The following RNF17 variants were observed in gnomAD, a reference collection of about 807,000 sequenced individuals.
The protein encoded by RNF17 is ring finger protein 17, also known as spermatogenesis associated 23.
RNF17 carries 31 observed loss-of-function variants against 200.5 expected under a neutral mutation model. That is an observed-to-expected ratio of 0.15 (90% confidence interval 0.12 to 0.21). RNF17 has a LOEUF of 0.21. Ranked by LOEUF, RNF17 falls within the 10% of genes least tolerant of loss-of-function variation. The pLI is 1.00. For missense variants in RNF17, 1,628 were observed against 1,905.1 expected, an observed-to-expected ratio of 0.85 and a Z score of 2.71; for synonymous variants, 606 against 637.8, an observed-to-expected ratio of 0.95 and a Z score of 0.75.
intron 18 of RNF17, among the ~76,000 whole-genome samples, chr13:24,840,777 C>A (rs1242085248): frequency 6.6e-6 from 1 of 152,070 alleles, no homozygotes; most frequent in Non-Finnish European, 1.5e-5. Context: ...ACTACAAATA[C>A]GGTGCAGTAT....
chr13:24,856,419 C>CAAA (rs60553495), intron 25 of RNF17, among the ~76,000 whole-genome samples: 24 of 101,580 alleles, frequency 2.4e-4, no homozygotes, highest in African/African-American at 5.9e-4. Context: ...GAATCCGTCT[C>CAAA]AAAAAAAAAA....
chr13:24,883,431 A>G, downstream of RNF17: 1 of 1,328,488 alleles, frequency 7.5e-7, no homozygotes, highest in Non-Finnish European at 1.0e-6. Context: ...AAACAACAGA[A>G]AAACTACTGA....
chr13:24,829,149 A>G (rs1889108953), intron 16 of RNF17, among the ~76,000 whole-genome samples: 1 of 151,960 alleles, frequency 6.6e-6, no homozygotes, highest in Admixed American at 6.6e-5. Context: ...CACATTTTTT[A>G]TTCTGGAAAT....
At chr13:24,862,835 A>G in intron 28 of RNF17, 42 bp downstream of exon 28, 1 of 1,096,030 alleles carries the variant, frequency 9.1e-7, no homozygotes, top group Non-Finnish European at 1.4e-6. Flanking sequence ...TACTTGCCAT[A>G]AAATATTATA....
chr13:24,877,297 C>G (rs540105361), intron 34 of RNF17, 111 bp downstream of exon 34: 1 of 782,942 alleles, frequency 1.3e-6, no homozygotes, highest in Non-Finnish European at 2.1e-6. Context: ...AAAGCATATA[C>G]AGCTATATAG....
intron 15 of RNF17, among the ~76,000 whole-genome samples, chr13:24,817,915 T>C (rs1194689756): frequency 6.6e-6 from 1 of 152,126 alleles, no homozygotes; most frequent in African/African-American, 2.4e-5. Flanking sequence ...TTATTTTTGC[T>C]CTAATCTTTA....
At chr13:24,749,307 C>CTTTCTTTCTTTT in the RNF17 span, among the ~76,000 whole-genome samples, 26 of 108,012 alleles carry the variant, frequency 2.4e-4, no homozygotes, top group South Asian at 2.3e-3. Flanking sequence ...TTCTTTCTTT[C>CTTTCTTTCTTTT]TTTTTTTTTT....
At chr13:24,748,613 G>A in the RNF17 span, among the ~76,000 whole-genome samples, 2 of 152,174 alleles carry the variant, frequency 1.3e-5, no homozygotes, top group Non-Finnish European at 2.9e-5. Context: ...CAGTGAGACT[G>A]AAATGTCTAT....
At chr13:24,792,374 G>A (rs997714377) in intron 9 of RNF17, among the ~76,000 whole-genome samples, 7 of 152,064 alleles carry the variant, frequency 4.6e-5, no homozygotes, top group African/African-American at 1.7e-4. Context: ...ACAATACCCT[G>A]GAAGGATACT....
chr13:24,784,683 G>A (rs1213306012), intron 6 of RNF17, among the ~76,000 whole-genome samples: 1 of 151,912 alleles, frequency 6.6e-6, no homozygotes, highest in Non-Finnish European at 1.5e-5. Context: ...AATGTACCCA[G>A]TTTATTTCTG....
chr13:24,882,826 C>T (rs565018686), downstream of RNF17: 2 of 302,860 alleles, frequency 6.6e-6, no homozygotes, highest in Non-Finnish European at 1.3e-5. Context: ...TGCTCTACGG[C>T]TGATGTGTCT....
At chr13:24,876,940 G>T in intron 33 of RNF17, 57 bp from the exon 34 acceptor site, 1 of 1,396,570 alleles carries the variant, frequency 7.2e-7, no homozygotes, top group Non-Finnish European at 9.7e-7. Flanking sequence ...TTTCTTCTAA[G>T]AATTGGATAG....
At chr13:24,877,244 A>C (rs1894958744) in intron 34 of RNF17, 58 bp downstream of exon 34, 3 of 1,450,014 alleles carry the variant, frequency 2.1e-6, no homozygotes, top group Admixed American at 1.8e-5. Context: ...GATACTTTGT[A>C]AAGTGTTTGT....
intron 11 of RNF17, 51 bp downstream of exon 11, chr13:24,796,346 A>C (rs745972505): frequency 6.7e-5 from 89 of 1,326,272 alleles, no homozygotes; most frequent in Non-Finnish European, 8.9e-5. Context: ...TAAATAATAT[A>C]ATAACTTGGC....
At chr13:24,793,532 A>G (rs984811923) in intron 10 of RNF17, among the ~76,000 whole-genome samples, 186 bp downstream of exon 10, 3 of 152,106 alleles carry the variant, frequency 2.0e-5, no homozygotes, top group African/African-American at 7.2e-5. Flanking sequence ...GATAATTTTT[A>G]TTTTTAATGC....
At position 24,789,777 on chromosome 13, in the gene RNF17, GTATT is replaced by G; in HGVS notation, c.935+9_935+12del. The G allele has an allele frequency of 2.0e-6, 3 of 1,499,884 alleles. No individual in the cohort carries two copies. Among genetic ancestry groups the G allele is most frequent in the Non-Finnish European group, 2.8e-6 (3 of 1,077,136 alleles). The allele number at this position is 1,499,884 out of a possible 1,614,324, so 92.9% of individuals were successfully genotyped here. ...TGAATTTAGGGACTCAACAAAGTAAGTATTTATAAGCATGGTAACATGCCATTAG... is the reference window on the plus strand; with the variant it reads ...TGAATTTAGGGACTCAACAAAGTAAGTATAAGCATGGTAACATGCCATTAG... On this transcript the variant is annotated splice_donor_region_variant and intron_variant, in intron 9 of 35. Transcript: ENST00000255324.
chr13:24,852,139 T>C (rs1457528268), intron 24 of RNF17, among the ~76,000 whole-genome samples: 20 of 147,562 alleles, frequency 1.4e-4, no homozygotes, highest in African/African-American at 3.7e-4. Flanking sequence ...TCTCTCTCTT[T>C]TTTTTTTTTT....
intron 14 of RNF17, among the ~76,000 whole-genome samples, 153 bp downstream of exon 14, chr13:24,802,724 G>C (rs1217899935): frequency 1.3e-5 from 2 of 152,148 alleles, no homozygotes; most frequent in Non-Finnish European, 2.9e-5. Context: ...GAGTACAGTT[G>C]TTGTCTGTGA....
Position 24,799,486 on chromosome 13 carries a change from A to G in RNF17, c.1491A>G (p.Arg497=), listed in dbSNP as rs1251446559. 1 of 1,610,048 alleles carries G rather than the reference A, an allele frequency of 6.2e-7. No individual in the cohort carries two copies. The highest frequency in any genetic ancestry group is 1.3e-5 in the African/African-American group (1 of 74,858). The part of the protein sequence containing the change: ...ELIPIEGRNT[R]KPCSPTRLFV... ...TTCCAATAGAGGGTAGAAATACCAGAAAACCTTGTAGTCCAACCAGATTAT... is the reference window on the plus strand; with the variant it reads ...TTCCAATAGAGGGTAGAAATACCAGGAAACCTTGTAGTCCAACCAGATTAT... Residue 497 remains arginine (R), a synonymous_variant, in exon 12 of 36, where the codon AGA becomes AGG. Coordinates refer to ENST00000255324, the MANE Select transcript of RNF17 (RefSeq NM_031277.3).
Sources: allele counts gnomAD v4.1 joint callset (sites outside exome capture counted in the v4.1 genomes callset), GRCh38; gene constraint gnomAD v4.1.1; transcripts MANE v1.5; gene names NCBI Gene and HGNC (gene_info 2026-07-23, HGNC 2026-07-21).